ATXN10: variants seen among roughly 807,000 people sequenced by gnomAD.
The protein encoded by ATXN10 is ataxin-10.
Under a neutral mutation model 52.9 loss-of-function variants are expected in ATXN10, and 28 were observed. The ratio of observed to expected loss-of-function variants is 0.53; its 90% CI spans 0.39 to 0.73. The LOEUF (loss-of-function observed/expected upper bound fraction) is 0.73, where lower values mean the gene tolerates loss of function less well. Among genes scored for constraint, ATXN10 ranks in the 30% least tolerant of loss-of-function variants. The pLI is 0.00. For missense variants in ATXN10, 565 were observed against 577.0 expected, an observed-to-expected ratio of 0.98 and a Z score of 0.21; for synonymous variants, 226 against 221.5, an observed-to-expected ratio of 1.02 and a Z score of -0.18.
intron 1 of ATXN10, among the ~76,000 whole-genome samples, chr22:45,685,305 T>G (rs183745508): frequency 2.6e-5 from 4 of 152,284 alleles, no homozygotes; most frequent in East Asian, 3.9e-4. Flanking sequence ...ATTCAAAGGA[T>G]TTTTTTGGTT....
At chr22:45,811,725 A>G (rs974443278) in intron 10 of ATXN10, 6 of 471,000 alleles carry the variant, frequency 1.3e-5, no homozygotes, top group African/African-American at 8.0e-5. Flanking sequence ...CACTTGCATC[A>G]TTGCTGGCCC....
At position 45,795,423 on chromosome 22, in the gene ATXN10, C is replaced by T. The variant is rs11913709; in HGVS notation, c.1174-11536C>T. Among the ~76,000 whole-genome samples the T allele has an allele frequency of 3.2e-5, 4 of 126,176 alleles. No individual in the cohort carries two copies. The highest frequency in any genetic ancestry group is 1.3e-4 in the African/African-American group (4 of 30,568). The allele number at this position is 126,176 out of a possible 152,430, so 82.8% of individuals were successfully genotyped here. A position where few individuals can be genotyped will look rare whatever the true frequency, so the allele number is the denominator to read the frequency against. On this transcript the variant is annotated intron_variant, in intron 9 of 11. Transcript: ENST00000252934. This position sits in a 1 kb window ranked among gnomAD's most constrained non-coding sequence, Gnocchi z 4.6. ...CTATTCTATTCTATTCTATTCTATT[C>T]TTTTTGAGATGAAGTCTCTCTATGT...
intron 9 of ATXN10, among the ~76,000 whole-genome samples, chr22:45,767,739 T>G (rs191506667): frequency 1.4e-4 from 21 of 152,314 alleles, no homozygotes; most frequent in African/African-American, 3.9e-4. Context: ...AAGGAATCTA[T>G]GTATATCTCA....
At chr22:45,800,188 A>G (rs1927884580) in intron 9 of ATXN10, among the ~76,000 whole-genome samples, 1 of 152,232 alleles carries the variant, frequency 6.6e-6, no homozygotes, top group Non-Finnish European at 1.5e-5. Context: ...TTGAAAAAAC[A>G]AGCCATGGTA....
At chr22:45,809,999 C>T (rs1928228551) in intron 10 of ATXN10, among the ~76,000 whole-genome samples, 1 of 151,942 alleles carries the variant, frequency 6.6e-6, no homozygotes, top group Admixed American at 6.6e-5. Flanking sequence ...TATTTCTTTA[C>T]CCTGAGGTTA....
At chr22:45,756,815 A>G (rs1601627071) in intron 9 of ATXN10, among the ~76,000 whole-genome samples, 2 of 152,344 alleles carry the variant, frequency 1.3e-5, no homozygotes, top group South Asian at 4.1e-4. Flanking sequence ...CTTTCTGGGA[A>G]TGATTCATTG....
intron 3 of ATXN10, among the ~76,000 whole-genome samples, chr22:45,694,482 T>A (rs1179837304): frequency 6.6e-6 from 1 of 151,844 alleles, no homozygotes; most frequent in Non-Finnish European, 1.5e-5. Flanking sequence ...TGAAACCCCG[T>A]TTCCAAAAAA....
At chr22:45,693,225 A>G in intron 3 of ATXN10, 147 bp downstream of exon 3, 1 of 744,564 alleles carries the variant, frequency 1.3e-6, no homozygotes, top group Admixed American at 2.3e-5. Flanking sequence ...AAAGAATTAT[A>G]AAGTTGTATC....
intron 9 of ATXN10, 50 bp downstream of exon 9, chr22:45,740,588 T>C: frequency 6.3e-7 from 1 of 1,575,014 alleles, no homozygotes. Flanking sequence ...TCATTTAGAA[T>C]ATAGTCCTTG....
At chr22:45,709,886 AG>A (rs1354421746) in intron 5 of ATXN10, among the ~76,000 whole-genome samples, 1 of 152,172 alleles carries the variant, frequency 6.6e-6, no homozygotes, top group African/African-American at 2.4e-5. Flanking sequence ...TCGTTTGCTG[AG>A]GCCTGGAACC....
At position 45,781,814 on chromosome 22, in the gene ATXN10, A is replaced by C. The variant is rs751216654; in HGVS notation, c.1174-25145A>C. On this transcript the variant is annotated intron_variant, in intron 9 of 11. Transcript: ENST00000252934. The surrounding 1 kb of genome is among the most constrained non-coding windows in gnomAD (Gnocchi z 4.2). ...AAATTTTAGGACTAAAAAAACAGCAACCTGAAATAAAAAGCCAAAACTCAG... is the reference window on the plus strand; with the variant it reads ...AAATTTTAGGACTAAAAAAACAGCACCCTGAAATAAAAAGCCAAAACTCAG... Among the ~76,000 whole-genome samples the C allele has an allele frequency of 1.3e-5, 2 of 152,244 alleles. No individual in the cohort carries two copies. Among genetic ancestry groups the C allele is most frequent in the South Asian group, 2.1e-4 (1 of 4,834 alleles).
chr22:45,689,146 T>C (rs1175746139), intron 1 of ATXN10, among the ~76,000 whole-genome samples: 1 of 152,252 alleles, frequency 6.6e-6, no homozygotes, highest in East Asian at 1.9e-4. Context: ...TCAGCCTCAC[T>C]GTGTCTACAG....
intron 1 of ATXN10, among the ~76,000 whole-genome samples, chr22:45,685,513 A>G (rs186922273): frequency 1.1e-4 from 16 of 152,284 alleles, no homozygotes; most frequent in Non-Finnish European, 2.4e-4. Flanking sequence ...ATTATTAATA[A>G]CTTTTGTAAT....
Position 45,671,862 on chromosome 22 carries a change from T to G in ATXN10, c.-202T>G, listed in dbSNP as rs572863232. 2.6e-5 allele frequency: 12 copies of G among 465,606 alleles called. No individual in the cohort carries two copies. The South Asian group carries it at 3.7e-4, about 14-fold the overall frequency. 28.8% of individuals were successfully genotyped at this position (465,606 alleles called of 1,614,324 possible). A position where few individuals can be genotyped will look rare whatever the true frequency, so the allele number is the denominator to read the frequency against. On this transcript the variant is annotated 5_prime_UTR_variant, in exon 1 of 12. Transcript: ENST00000252934. The stretch of plus-strand genomic sequence containing the variant: ...GTCTCCTCCTCCCGCCTGAGGCGAG[T>G]CTGGGCTCAGCCTAGAGCTCTCCGG...
chr22:45,729,371 C>A, intron 6 of ATXN10, 54 bp from the exon 7 acceptor site: 1 of 1,569,818 alleles, frequency 6.4e-7, no homozygotes, highest in Non-Finnish European at 8.8e-7. Flanking sequence ...GTATTTTTAG[C>A]ATTGTATAAT....
At chr22:45,724,878 C>T (rs571809619) in intron 6 of ATXN10, among the ~76,000 whole-genome samples, 1 of 152,196 alleles carries the variant, frequency 6.6e-6, no homozygotes, top group African/African-American at 2.4e-5. Context: ...CTGTGGCTAT[C>T]CAGTTTTCCC....
intron 9 of ATXN10, among the ~76,000 whole-genome samples, chr22:45,756,724 C>G (rs1466441197): frequency 6.6e-6 from 1 of 152,106 alleles, no homozygotes; most frequent in Non-Finnish European, 1.5e-5. Flanking sequence ...TATTGTACAT[C>G]TTATGTTACA....
At chr22:45,810,444 T>C (rs1411166352) in intron 10 of ATXN10, among the ~76,000 whole-genome samples, 2 of 152,242 alleles carry the variant, frequency 1.3e-5, no homozygotes, top group Admixed American at 1.3e-4. Context: ...TTCTACACAT[T>C]TGGTCGTGTG....
intron 10 of ATXN10, among the ~76,000 whole-genome samples, chr22:45,809,428 T>G (rs1928208726): frequency 6.6e-6 from 1 of 152,246 alleles, no homozygotes; most frequent in African/African-American, 2.4e-5. Context: ...CTAGCTCCAC[T>G]TTTTACACTT....
Sources: gnomAD v4.1 joint callset for allele counts (sites outside exome capture counted in the v4.1 genomes callset) on GRCh38, gnomAD v4.1.1 for gene constraint, Gnocchi (gnomAD v3.1) non-coding constraint, MANE v1.5 for transcripts, NCBI Gene and HGNC (gene_info 2026-07-23, HGNC 2026-07-21) for gene names.